The following LHFPL6 variants were observed in gnomAD, a reference collection of about 807,000 sequenced individuals.
LHFPL6 encodes LHFPL tetraspan subfamily member 6 protein.
In LHFPL6, 9 loss-of-function variants were observed where a neutral mutation model predicts 20.6. The observed-to-expected ratio is 0.44, with a 90% CI of 0.26 to 0.76. The LOEUF (loss-of-function observed/expected upper bound fraction) is 0.76, where lower values mean the gene tolerates loss of function less well. Ranked by LOEUF, LHFPL6 falls within the 30% of genes least tolerant of loss-of-function variation. LHFPL6 has a pLI of 0.20. For missense variants in LHFPL6, 218 were observed against 253.5 expected, an observed-to-expected ratio of 0.86 and a Z score of 0.95; for synonymous variants, 105 against 98.7, an observed-to-expected ratio of 1.06 and a Z score of -0.38.
chr13:39,487,837 G>A lies in LHFPL6; in HGVS notation c.386-109311C>T, dbSNP rs1351562376. On this transcript the variant is annotated intron_variant, in intron 2 of 3. Coordinates refer to ENST00000379589, the MANE Select transcript of LHFPL6 (RefSeq NM_005780.3). ...GAGATGGGTGGAGCACCTGAGGTCC[G>A]GAGTTTCAGACCAGCCTGACCAACA... 4.6e-5 allele frequency among the ~76,000 whole-genome samples: 7 copies of A among 152,274 alleles called. No homozygotes were observed. In the South Asian group the frequency reaches 6.2e-4, roughly 14 times the overall value.
At chr13:39,474,763 C>G (rs913995423) in intron 2 of LHFPL6, among the ~76,000 whole-genome samples, 2 of 151,782 alleles carry the variant, frequency 1.3e-5, no homozygotes, top group Non-Finnish European at 2.9e-5. Context: ...AGGGAGCTCA[C>G]GGACCCATGG....
intron 2 of LHFPL6, among the ~76,000 whole-genome samples, chr13:39,452,742 A>C (rs1208184732): frequency 1.3e-5 from 2 of 152,262 alleles, no homozygotes; most frequent in African/African-American, 2.4e-5. Context: ...AGCCGCAAGA[A>C]TAATGGCCAA....
chr13:39,535,717 T>C (rs1870597420), intron 2 of LHFPL6, among the ~76,000 whole-genome samples: 3 of 152,224 alleles, frequency 2.0e-5, no homozygotes, highest in Admixed American at 1.3e-4. Context: ...TTACATTTTA[T>C]AGCTAAATTA....
At chr13:39,507,615 C>T (rs1472088838) in intron 2 of LHFPL6, among the ~76,000 whole-genome samples, 1 of 152,120 alleles carries the variant, frequency 6.6e-6, no homozygotes, top group African/African-American at 2.4e-5. Flanking sequence ...CATAATAATG[C>T]CAAATATTGA....
chr13:39,483,847 GC>G (rs1868623468), intron 2 of LHFPL6, among the ~76,000 whole-genome samples: 1 of 152,164 alleles, frequency 6.6e-6, no homozygotes, highest in Admixed American at 6.5e-5. Flanking sequence ...GTCTCACTGA[GC>G]TCATATTGCT....
intron 2 of LHFPL6, among the ~76,000 whole-genome samples, chr13:39,583,049 C>T (rs949341718): frequency 6.6e-6 from 1 of 151,926 alleles, no homozygotes; most frequent in African/African-American, 2.4e-5. Context: ...GTGATTAAAA[C>T]AGACCTCTGA....
chr13:39,591,866 C>T (rs1008487757), intron 2 of LHFPL6, among the ~76,000 whole-genome samples: 2 of 152,058 alleles, frequency 1.3e-5, no homozygotes, highest in African/African-American at 2.4e-5. Context: ...GAGACTGAGG[C>T]GGGTGGATTA....
At chr13:39,545,613 C>A (rs1228326012) in intron 2 of LHFPL6, among the ~76,000 whole-genome samples, 1 of 152,006 alleles carries the variant, frequency 6.6e-6, no homozygotes, top group Non-Finnish European at 1.5e-5. Context: ...CTTGCAGATA[C>A]CAAAATCTGG....
chr13:39,422,457 A>G (rs999616730), intron 2 of LHFPL6, among the ~76,000 whole-genome samples: 3 of 151,926 alleles, frequency 2.0e-5, no homozygotes, highest in Non-Finnish European at 2.9e-5. Flanking sequence ...ATGGTGGCAC[A>G]TGCCTGTAAT....
intron 2 of LHFPL6, among the ~76,000 whole-genome samples, chr13:39,449,063 G>A (rs973679288): frequency 6.6e-6 from 1 of 152,184 alleles, no homozygotes; most frequent in Non-Finnish European, 1.5e-5. Context: ...AGCTTTAATA[G>A]GGCAAGGGAG....
intron 3 of LHFPL6, among the ~76,000 whole-genome samples, chr13:39,369,933 C>T (rs985087718): frequency 2.0e-5 from 3 of 151,962 alleles, no homozygotes; most frequent in African/African-American, 7.2e-5. Context: ...TCCTTTTTCC[C>T]AAAGCAGGAC....
intron 2 of LHFPL6, among the ~76,000 whole-genome samples, chr13:39,433,885 T>C (rs1229199547): frequency 6.6e-6 from 1 of 152,230 alleles, no homozygotes; most frequent in African/African-American, 2.4e-5. Context: ...TCCTTTGGGA[T>C]GAAATTTGTT....
intron 2 of LHFPL6, among the ~76,000 whole-genome samples, chr13:39,541,067 G>T (rs1870781301): frequency 6.6e-6 from 1 of 152,110 alleles, no homozygotes; most frequent in South Asian, 2.1e-4. Context: ...ATTAGTAAAG[G>T]TTTATTTCTC....
intron 2 of LHFPL6, among the ~76,000 whole-genome samples, chr13:39,520,663 T>C (rs1870079709): frequency 6.6e-6 from 1 of 152,070 alleles, no homozygotes; most frequent in South Asian, 2.1e-4. Context: ...AAATGAGCTA[T>C]CAAATAGTGG....
intron 3 of LHFPL6, among the ~76,000 whole-genome samples, chr13:39,356,258 C>T (rs1330970899): frequency 6.6e-6 from 1 of 152,176 alleles, no homozygotes; most frequent in Non-Finnish European, 1.5e-5. Flanking sequence ...AATTAACTTA[C>T]TCCTGAATAA....
Position 39,362,869 on chromosome 13 carries a change from A to G in LHFPL6, c.484+15559T>C, listed in dbSNP as rs1050135356. 6.6e-5 allele frequency among the ~76,000 whole-genome samples: 10 copies of G among 152,350 alleles called. No individual in the cohort carries two copies. In the South Asian group the frequency reaches 8.3e-4, roughly 13 times the overall value. Reference sequence around the variant, plus strand: ...TTCCCGTGAGACAATTCAGGAGATGAATAAGTGTGCAGGACCTGTGTCCAG... The same window carrying G: ...TTCCCGTGAGACAATTCAGGAGATGGATAAGTGTGCAGGACCTGTGTCCAG... On this transcript the variant is annotated intron_variant, in intron 3 of 3. Coordinates refer to ENST00000379589, the MANE Select transcript of LHFPL6 (RefSeq NM_005780.3).
chr13:39,343,806 C>A lies in LHFPL6; in HGVS notation c.*130G>T. On this transcript the variant is annotated 3_prime_UTR_variant, in exon 4 of 4. Coordinates refer to ENST00000379589, the MANE Select transcript of LHFPL6 (RefSeq NM_005780.3). ...TCCTATATCATGTTCCTGATTTTAT[C>A]GGGTTTCATTTTATTAGCATTGTAT... 1.7e-6 allele frequency: 1 copy of A among 596,730 alleles called. No individual in the cohort carries two copies. Among genetic ancestry groups the A allele is most frequent in the Non-Finnish European group, 2.9e-6 (1 of 343,590 alleles). The allele number at this position is 596,730 out of a possible 1,614,324, so 37.0% of individuals were successfully genotyped here. A position where few individuals can be genotyped will look rare whatever the true frequency, so the allele number is the denominator to read the frequency against.
chr13:39,429,650 C>T (rs1229940869), intron 2 of LHFPL6, among the ~76,000 whole-genome samples: 2 of 151,868 alleles, frequency 1.3e-5, no homozygotes, highest in Non-Finnish European at 2.9e-5. Context: ...GTGATTATTG[C>T]TACTATTTTT....
intron 2 of LHFPL6, among the ~76,000 whole-genome samples, chr13:39,447,421 C>T (rs947626388): frequency 2.0e-5 from 3 of 152,076 alleles, no homozygotes; most frequent in African/African-American, 7.2e-5. Flanking sequence ...CCTGGTTGAA[C>T]TGCCAATTTT....
Sources: allele counts gnomAD v4.1 joint callset (sites outside exome capture counted in the v4.1 genomes callset), GRCh38; gene constraint gnomAD v4.1.1; transcripts MANE v1.5; gene names NCBI Gene and HGNC (gene_info 2026-07-23, HGNC 2026-07-21).